Variants in EPHA6 observed in about 807,000 individuals in gnomAD.
EPHA6 encodes ephrin type-A receptor 6.
EPHA6 carries 50 observed loss-of-function variants against 112.0 expected under a neutral mutation model. The observed-to-expected ratio is 0.45, with a 90% CI of 0.36 to 0.56. The LOEUF is 0.56. Among genes scored for constraint, EPHA6 ranks in the 20% least tolerant of loss-of-function variants. The pLI, the probability that EPHA6 is intolerant of heterozygous loss-of-function variation, is 0.00. For synonymous variants in EPHA6, 529 were observed against 490.7 expected (o/e 1.08, Z -1.03); for missense variants, 1,280 against 1,417.4 (o/e 0.90, Z 1.56).
intron 10 of EPHA6, among the ~76,000 whole-genome samples, chr3:97,487,090 C>G (rs1343604770): frequency 6.6e-6 from 1 of 151,998 alleles, no homozygotes; most frequent in Admixed American, 6.6e-5. Context: ...TGAGAGAGGC[C>G]AGATATCAGG....
chr3:96,905,769 A>G (rs1250912423), intron 2 of EPHA6, among the ~76,000 whole-genome samples: 1 of 152,058 alleles, frequency 6.6e-6, no homozygotes, highest in Non-Finnish European at 1.5e-5. Context: ...TGCAAGAGAA[A>G]TCGGTGTTAA....
At chr3:96,968,544 T>C (rs1204023609) in intron 2 of EPHA6, among the ~76,000 whole-genome samples, 1 of 151,810 alleles carries the variant, frequency 6.6e-6, no homozygotes, top group Non-Finnish European at 1.5e-5. Context: ...TTAATCATTT[T>C]TGTCAAGTAC....
chr3:97,297,491 T>A lies in EPHA6; in HGVS notation c.1606+53204T>A, dbSNP rs139199419. ...AGCTCTAAATTTAATTAAAGAAATA[T>A]GACTTTGCTTATGGTGATTGTGTAA... On this transcript the variant is annotated intron_variant, in intron 5 of 17. Coordinates refer to ENST00000389672, the MANE Select transcript of EPHA6 (RefSeq NM_001080448.3). Among the ~76,000 whole-genome samples, 520 of 152,294 alleles carry A rather than the reference T, an allele frequency of 3.4e-3. 3 individuals carry two copies. The highest frequency in any genetic ancestry group is 0.012 in the African/African-American group (482 of 41,550).
At chr3:97,434,403 C>T (rs1377168635) in intron 6 of EPHA6, among the ~76,000 whole-genome samples, 2 of 152,018 alleles carry the variant, frequency 1.3e-5, no homozygotes, top group African/African-American at 2.4e-5. Flanking sequence ...TGCAGTATGT[C>T]CTGTGTAAAC....
intron 14 of EPHA6, among the ~76,000 whole-genome samples, chr3:97,708,947 G>A (rs959652677): frequency 6.6e-6 from 1 of 152,186 alleles, no homozygotes; most frequent in Non-Finnish European, 1.5e-5. Context: ...TTCAGAGGAC[G>A]TATGGAAATG....
intron 1 of EPHA6, among the ~76,000 whole-genome samples, chr3:96,832,557 A>G (rs1400052718): frequency 1.3e-5 from 2 of 152,062 alleles, no homozygotes; most frequent in Non-Finnish European, 2.9e-5. Flanking sequence ...CAATTTCAGT[A>G]CATTCAAAAT....
intron 5 of EPHA6, among the ~76,000 whole-genome samples, chr3:97,328,680 CAG>C (rs2082608005): frequency 6.6e-6 from 1 of 151,992 alleles, no homozygotes; most frequent in Admixed American, 6.6e-5. Context: ...TGGCCTTTCA[CAG>C]AGGAAAATGG....
intron 1 of EPHA6, among the ~76,000 whole-genome samples, chr3:96,828,328 A>T (rs2033799883): frequency 6.6e-6 from 1 of 152,106 alleles, no homozygotes; most frequent in Admixed American, 6.6e-5. Context: ...GACCTATCTA[A>T]CATGACAGCA....
intron 3 of EPHA6, among the ~76,000 whole-genome samples, chr3:97,165,881 A>G (rs558063071): frequency 2.0e-5 from 3 of 152,318 alleles, no homozygotes; most frequent in Admixed American, 6.5e-5. Context: ...TCAATAAAAA[A>G]TTGCATTGTG....
intron 3 of EPHA6, among the ~76,000 whole-genome samples, chr3:97,134,040 T>A (rs7609612): frequency 0.013 from 1,977 of 151,688 alleles, 48 homozygotes; most frequent in African/African-American, 0.044. Context: ...CATGAAATTT[T>A]AAAAAAAAGA....
chr3:97,034,963 A>G (rs4857052), intron 3 of EPHA6, among the ~76,000 whole-genome samples: 11,599 of 151,996 alleles, frequency 0.076, 760 homozygotes, highest in Admixed American at 0.22. Context: ...TGGTAACCAT[A>G]TTTTTACATA....
chr3:97,549,825 AAAATAAAATAAAAT>A (rs1428160347), intron 11 of EPHA6, among the ~76,000 whole-genome samples: 3 of 151,812 alleles, frequency 2.0e-5, no homozygotes, highest in African/African-American at 7.2e-5. Context: ...ATAATAAAAT[AAAATAAAATAAAAT>A]AAATAAAATA....
At chr3:97,571,166 G>C (rs1446040519) in intron 11 of EPHA6, among the ~76,000 whole-genome samples, 2 of 152,060 alleles carry the variant, frequency 1.3e-5, no homozygotes, top group Non-Finnish European at 2.9e-5. Context: ...TCAGCATTTA[G>C]GGCAGTAATA....
intron 5 of EPHA6, among the ~76,000 whole-genome samples, chr3:97,251,118 G>A (rs958260753): frequency 4.0e-5 from 6 of 151,874 alleles, no homozygotes; most frequent in African/African-American, 1.5e-4. Context: ...CACCCACCTT[G>A]GCCTCCCAAA....
chr3:96,875,906 A>C (rs1026365652), intron 2 of EPHA6, among the ~76,000 whole-genome samples: 1 of 151,272 alleles, frequency 6.6e-6, no homozygotes, highest in East Asian at 1.9e-4. Flanking sequence ...CTTTACTTCC[A>C]AGAGAAGTTT....
chr3:97,155,124 A>C (rs1559761536), intron 3 of EPHA6, among the ~76,000 whole-genome samples: 1 of 152,344 alleles, frequency 6.6e-6, no homozygotes, highest in South Asian at 2.1e-4. Context: ...TTAAAAATAG[A>C]ATATGTAAAC....
chr3:97,646,035 A>T lies in EPHA6; in HGVS notation c.2784+7953A>T, dbSNP rs2094058598. The T allele has an allele frequency of 1.6e-5, 16 of 1,027,972 alleles. No homozygotes were observed. In the South Asian group the frequency reaches 2.8e-4, roughly 18 times the overall value. 63.7% of individuals were successfully genotyped at this position (1,027,972 alleles called of 1,614,324 possible). On this transcript the variant is annotated intron_variant, in intron 14 of 17. Transcript: ENST00000389672. ...TTCAAGAAAAAAATATCTTTAGAAC[A>T]GTATGCTACATGGAAGCTATCCTTT...
intron 3 of EPHA6, among the ~76,000 whole-genome samples, chr3:97,142,665 A>C (rs1002486425): frequency 1.1e-4 from 17 of 151,918 alleles, no homozygotes; most frequent in Non-Finnish European, 1.5e-5. Flanking sequence ...AAATTGAGTC[A>C]GTAATAAAAC....
intron 11 of EPHA6, among the ~76,000 whole-genome samples, chr3:97,549,132 A>G (rs899768305): frequency 6.6e-6 from 1 of 152,216 alleles, no homozygotes; most frequent in African/African-American, 2.4e-5. Flanking sequence ...TATACATTTT[A>G]TCATTAATTT....
Sources: allele counts gnomAD v4.1 joint callset (sites outside exome capture counted in the v4.1 genomes callset), GRCh38; gene constraint gnomAD v4.1.1; transcripts MANE v1.5; gene names NCBI Gene and HGNC (gene_info 2026-07-23, HGNC 2026-07-21).